The following BRF1 variants were observed in gnomAD, a reference collection of about 807,000 sequenced individuals.
BRF1 encodes BRF1 general transcription factor IIIB subunit.
Under a neutral mutation model 81.7 loss-of-function variants are expected in BRF1, and 59 were observed. The observed-to-expected ratio is 0.72, with a 90% CI of 0.59 to 0.90. BRF1 has a LOEUF of 0.90. Among genes scored for constraint, BRF1 ranks in the 40% least tolerant of loss-of-function variants. The pLI, the probability that BRF1 is intolerant of heterozygous loss-of-function variation, is 0.00. For missense variants in BRF1, 1,050 were observed against 936.3 expected (o/e 1.12, Z -1.58); for synonymous variants, 491 against 395.6 (o/e 1.24, Z -2.86).
At chr14:105,278,993 G>A (rs2056960376) in intron 2 of BRF1, among the ~76,000 whole-genome samples, 2 of 152,044 alleles carry the variant, frequency 1.3e-5, no homozygotes, top group Non-Finnish European at 2.9e-5. Context: ...GCAGTGAGCC[G>A]AGATCGCGCC....
At chr14:105,247,897 G>A (rs1433749165) in intron 5 of BRF1, 5 of 985,602 alleles carry the variant, frequency 5.1e-6, no homozygotes, top group Non-Finnish European at 6.0e-6. Flanking sequence ...CACCTCCCAG[G>A]ATTAGCCCCA....
intron 10 of BRF1, among the ~76,000 whole-genome samples, chr14:105,223,777 A>G (rs1892670164): frequency 6.6e-6 from 1 of 152,192 alleles, no homozygotes. Context: ...TTTAAATATG[A>G]GCAGTTTTCA....
intron 5 of BRF1, chr14:105,250,929 C>A: frequency 2.1e-6 from 1 of 485,022 alleles, no homozygotes. Context: ...AGATCCCCTC[C>A]CAGTGGCACC....
At position 105,248,235 on chromosome 14, in the gene BRF1, G is replaced by T; in HGVS notation, c.544+4272C>A. 4.1e-6 allele frequency: 4 copies of T among 985,498 alleles called. No individual in the cohort carries two copies. The South Asian group carries it at 1.9e-4, about 46-fold the overall frequency. 61.0% of individuals were successfully genotyped at this position (985,498 alleles called of 1,614,324 possible). A position where few individuals can be genotyped will look rare whatever the true frequency, so the allele number is the denominator to read the frequency against. On this transcript the variant is annotated intron_variant, in intron 5 of 17. Transcript: ENST00000547530. ...ATCTGAACGAACGAGGAAGCCCAAC[G>T]ACCATCCCACAGGCCGCGGCCAGAG...
chr14:105,293,478 C>G (rs1006247060), intron 1 of BRF1, among the ~76,000 whole-genome samples: 2 of 152,230 alleles, frequency 1.3e-5, no homozygotes, highest in African/African-American at 4.8e-5. Context: ...CGAGGAGGGA[C>G]CCCTGCAAGC....
Position 105,228,867 on chromosome 14 carries a change from C to T in BRF1, c.741G>A (p.Lys247=), listed in dbSNP as rs779517685. 31 of 1,613,784 alleles carry T rather than the reference C, an allele frequency of 1.9e-5. No individual in the cohort carries two copies. The highest frequency in any genetic ancestry group is 5.3e-5 in the African/African-American group (4 of 74,956). ...ARMHDFRRTV[K]EVISVVKVCE... Reference sequence around the variant, plus strand: ...ACACTTTGACCACACTGATGACCTCCTTCACAGTCCTCCTGAAGTCATGCA... The same window carrying T: ...ACACTTTGACCACACTGATGACCTCTTTCACAGTCCTCCTGAAGTCATGCA... Residue 247 remains lysine (K), a synonymous_variant, in exon 7 of 18, where the codon AAG becomes AAA. Coordinates refer to ENST00000547530, the MANE Select transcript of BRF1 (RefSeq NM_001519.4).
At chr14:105,227,517 C>G (rs1437230071) in intron 7 of BRF1, 1 of 152,434 alleles carries the variant, frequency 6.6e-6, no homozygotes, top group Non-Finnish European at 1.5e-5. Flanking sequence ...CCCCTCGGCG[C>G]CCAGGTCCCT....
Position 105,210,690 on chromosome 14 carries a change from C to T in BRF1, c.1997-102G>A. The T allele has an allele frequency of 2.2e-6, 3 of 1,365,640 alleles. No homozygotes were observed. The highest frequency in any genetic ancestry group is 3.0e-6 in the Non-Finnish European group (3 of 994,918). The allele number at this position is 1,365,640 out of a possible 1,614,324, so 84.6% of individuals were successfully genotyped here. On this transcript the variant is annotated intron_variant, in intron 17 of 17. Coordinates refer to ENST00000547530, the MANE Select transcript of BRF1 (RefSeq NM_001519.4). This position sits in a 1 kb window ranked among gnomAD's most constrained non-coding sequence, Gnocchi z 4.7. Reference sequence around the variant, plus strand: ...CTGGTGCCCCCCTAGAAGACTCAGGCTCCAGCCCCAGCCCCAGCCCCCCGC... The same window carrying T: ...CTGGTGCCCCCCTAGAAGACTCAGGTTCCAGCCCCAGCCCCAGCCCCCCGC...
intron 2 of BRF1, among the ~76,000 whole-genome samples, chr14:105,275,745 A>T (rs1387828026): frequency 6.6e-6 from 1 of 152,240 alleles, no homozygotes; most frequent in Non-Finnish European, 1.5e-5. Flanking sequence ...CTGACTCCTA[A>T]AATTCCTATG....
At chr14:105,225,943 G>A (rs587723847) in intron 10 of BRF1, 126 bp downstream of exon 10, 2 of 1,005,328 alleles carry the variant, frequency 2.0e-6, no homozygotes, top group South Asian at 3.3e-5. Context: ...ACCCTGCCCG[G>A]TGGTAAACTT....
chr14:105,228,675 T>A, intron 7 of BRF1, 145 bp downstream of exon 7: 1 of 850,842 alleles, frequency 1.2e-6, no homozygotes, highest in Non-Finnish European at 1.9e-6. Context: ...AGCCATAGTG[T>A]GACCGGGGCT....
chr14:105,218,855 G>A, intron 14 of BRF1, 143 bp downstream of exon 14: 1 of 1,189,092 alleles, frequency 8.4e-7, no homozygotes, highest in Non-Finnish European at 1.2e-6. Flanking sequence ...ACGTGGGTCT[G>A]GGGTCCAGAG....
chr14:105,258,476 GA>G (rs2055992234), intron 3 of BRF1, among the ~76,000 whole-genome samples: 1 of 145,586 alleles, frequency 6.9e-6, no homozygotes, highest in African/African-American at 2.5e-5. Context: ...GCGACAGAGC[GA>G]GACTCCGTCT....
intron 2 of BRF1, among the ~76,000 whole-genome samples, chr14:105,278,483 T>C (rs1191921361): frequency 6.6e-6 from 1 of 150,424 alleles, no homozygotes; most frequent in Non-Finnish European, 1.5e-5. Context: ...ACATGTAAAG[T>C]ATAAAGCAAT....
intron 4 of BRF1, among the ~76,000 whole-genome samples, chr14:105,253,271 G>T (rs2055704862): frequency 6.6e-6 from 1 of 152,212 alleles, no homozygotes; most frequent in African/African-American, 2.4e-5. Context: ...CTGCTGGCTG[G>T]GGGAGGACAC....
At chr14:105,293,249 C>T (rs887803993) in intron 1 of BRF1, among the ~76,000 whole-genome samples, 1 of 152,212 alleles carries the variant, frequency 6.6e-6, no homozygotes, top group African/African-American at 2.4e-5. Context: ...GGCAACTCCA[C>T]CACCCATGTC....
chr14:105,212,429 C>A, intron 15 of BRF1: 1 of 456,744 alleles, frequency 2.2e-6, no homozygotes, highest in Admixed American at 3.5e-5. Flanking sequence ...CCAGCCCACT[C>A]CCCTTCCAAC....
chr14:105,286,454 C>G (rs908105955), intron 1 of BRF1, 78 bp from the exon 2 acceptor site: 7 of 1,446,708 alleles, frequency 4.8e-6, no homozygotes, highest in Non-Finnish European at 6.7e-6. Flanking sequence ...TCCACAGACA[C>G]AAAGTGAGAA....
At chr14:105,241,544 C>T in intron 5 of BRF1, 130 bp from the exon 6 acceptor site, 1 of 1,206,846 alleles carries the variant, frequency 8.3e-7, no homozygotes. Context: ...ACCAGTTCCC[C>T]TCCCCTGGAC....
Sources: allele counts gnomAD v4.1 joint callset (sites outside exome capture counted in the v4.1 genomes callset), GRCh38; gene constraint gnomAD v4.1.1; non-coding constraint Gnocchi (gnomAD v3.1); transcripts MANE v1.5; gene names NCBI Gene and HGNC (gene_info 2026-07-23, HGNC 2026-07-21).